TBCD: variants seen among roughly 807,000 people sequenced by gnomAD.
TBCD encodes the protein tubulin-specific chaperone D.
TBCD carries 105 observed loss-of-function variants against 169.3 expected under a neutral mutation model. The ratio of observed to expected loss-of-function variants is 0.62; its 90% confidence interval spans 0.53 to 0.73. The LOEUF is 0.73. Ranked by LOEUF, TBCD falls within the 30% of genes least tolerant of loss-of-function variation. TBCD has a pLI of 0.00. For missense variants in TBCD, 1,444 were observed against 1,600.1 expected, an observed-to-expected ratio of 0.90 and a Z score of 1.66; for synonymous variants, 700 against 643.9, an observed-to-expected ratio of 1.09 and a Z score of -1.32.
intron 28 of TBCD, chr17:82,926,767 G>T (rs1008739102): frequency 2.0e-5 from 11 of 549,918 alleles, no homozygotes; most frequent in African/African-American, 1.9e-4. Context: ...AGCTGACCCT[G>T]CCAGCCAGTG....
chr17:82,777,040 G>C (rs1246028069), intron 6 of TBCD, among the ~76,000 whole-genome samples: 1 of 152,104 alleles, frequency 6.6e-6, no homozygotes, highest in Non-Finnish European at 1.5e-5. Flanking sequence ...TATTGCCCCA[G>C]GTGGTTGTTG....
intron 15 of TBCD, chr17:82,885,071 T>G (rs1407295467): frequency 1.3e-5 from 2 of 152,268 alleles, no homozygotes; most frequent in Non-Finnish European, 1.5e-5. Context: ...GCTGGCTTAG[T>G]GGGAACCTGT....
intron 2 of TBCD, among the ~76,000 whole-genome samples, chr17:82,758,253 G>T (rs2047513293): frequency 6.6e-6 from 1 of 151,390 alleles, no homozygotes; most frequent in Non-Finnish European, 1.5e-5. Flanking sequence ...GCCGCGTGTG[G>T]TGCACGCCTG....
At chr17:82,896,985 G>C (rs1264342436) in intron 17 of TBCD, among the ~76,000 whole-genome samples, 1 of 152,024 alleles carries the variant, frequency 6.6e-6, no homozygotes, top group Non-Finnish European at 1.5e-5. Flanking sequence ...TGACTAACTC[G>C]TGTTCTAGTG....
At chr17:82,764,476 C>G (rs1414203255) in intron 3 of TBCD, among the ~76,000 whole-genome samples, 1 of 152,144 alleles carries the variant, frequency 6.6e-6, no homozygotes, top group Non-Finnish European at 1.5e-5. Flanking sequence ...GAAACCCCGT[C>G]TCTACTAAAA....
intron 12 of TBCD, among the ~76,000 whole-genome samples, chr17:82,814,051 C>T (rs1269471666): frequency 6.6e-6 from 1 of 152,186 alleles, no homozygotes; most frequent in Non-Finnish European, 1.5e-5. Context: ...GCTTCTGAAC[C>T]ACCCCGGGGA....
intron 12 of TBCD, among the ~76,000 whole-genome samples, chr17:82,811,746 A>G (rs1159321746): frequency 6.6e-6 from 1 of 152,186 alleles, no homozygotes; most frequent in Non-Finnish European, 1.5e-5. Flanking sequence ...AGGATGTCTG[A>G]AGACACCAGG....
At chr17:82,861,327 CCTCACGTCAGCCGCTGG>C (rs2056743489) in intron 13 of TBCD, among the ~76,000 whole-genome samples, 1 of 148,892 alleles carries the variant, frequency 6.7e-6, no homozygotes, top group South Asian at 2.2e-4. Context: ...CTGAATTCCA[CCTCACGTCAGCCGCTGG>C]TTCACGTCAG....
At chr17:82,839,480 C>CAT (rs930011052) in intron 13 of TBCD, among the ~76,000 whole-genome samples, 9 of 151,816 alleles carry the variant, frequency 5.9e-5, no homozygotes, top group South Asian at 2.1e-4. Context: ...ATACACCACA[C>CAT]ATATATATAA....
chr17:82,834,090 G>A (rs2053754596), intron 13 of TBCD, among the ~76,000 whole-genome samples: 1 of 152,234 alleles, frequency 6.6e-6, no homozygotes, highest in Non-Finnish European at 1.5e-5. Context: ...AATTACAGGC[G>A]CCCACCACCA....
intron 13 of TBCD, among the ~76,000 whole-genome samples, chr17:82,851,543 T>G (rs2055789855): frequency 6.6e-6 from 1 of 152,196 alleles, no homozygotes; most frequent in Non-Finnish European, 1.5e-5. Flanking sequence ...TCTCTGGCCC[T>G]GGCAGGAATC....
chr17:82,776,774 G>T (rs988823812), intron 6 of TBCD, among the ~76,000 whole-genome samples: 3 of 152,120 alleles, frequency 2.0e-5, no homozygotes, highest in Non-Finnish European at 4.4e-5. Flanking sequence ...AGTGGTGTTG[G>T]GGTCTGCACA....
intron 13 of TBCD, among the ~76,000 whole-genome samples, chr17:82,868,547 G>A (rs1219033981): frequency 6.6e-6 from 1 of 152,164 alleles, no homozygotes; most frequent in Non-Finnish European, 1.5e-5. Context: ...TGTAGTTTTA[G>A]TAAGTGTATA....
At chr17:82,797,101 A>C (rs1169664695) in intron 7 of TBCD, among the ~76,000 whole-genome samples, 1 of 152,254 alleles carries the variant, frequency 6.6e-6, no homozygotes, top group Non-Finnish European at 1.5e-5. Context: ...ATTTATGTGA[A>C]TCATCGCATT....
chr17:82,752,171 G>C lies in TBCD; in HGVS notation c.-23G>C. ...GGGATCTGCGAACACGTGAGGCGGG[G>C]GCGCGGTCCCCAGGCTGCCGAGATG... On this transcript the variant is annotated 5_prime_UTR_variant, in exon 1 of 39. Coordinates refer to ENST00000355528, the MANE Select transcript of TBCD (RefSeq NM_005993.5). 2.0e-6 allele frequency: 3 copies of C among 1,502,278 alleles called. No homozygotes were observed. Among genetic ancestry groups the C allele is most frequent in the African/African-American group, 2.9e-5 (2 of 68,588 alleles). 93.1% of individuals were successfully genotyped at this position (1,502,278 alleles called of 1,614,324 possible).
chr17:82,781,825 C>A, intron 7 of TBCD, 104 bp downstream of exon 7: 1 of 1,519,360 alleles, frequency 6.6e-7, no homozygotes, highest in Non-Finnish European at 8.9e-7. Flanking sequence ...GTAATTGGAA[C>A]CCCGTGGGAT....
At chr17:82,772,348 T>G in intron 5 of TBCD, 104 bp from the exon 6 acceptor site, 1 of 1,195,378 alleles carries the variant, frequency 8.4e-7, no homozygotes, top group Non-Finnish European at 1.2e-6. Context: ...TTTGTGAACC[T>G]GGGCCCTCGG....
At chr17:82,815,445 G>A (rs986409851) in intron 13 of TBCD, among the ~76,000 whole-genome samples, 2 of 152,226 alleles carry the variant, frequency 1.3e-5, no homozygotes, top group Non-Finnish European at 2.9e-5. Flanking sequence ...TCACGCCAGC[G>A]TGAAACCAGG....
chr17:82,915,876 T>A lies in TBCD; in HGVS notation c.2038+4087T>A, dbSNP rs2060992761. Reference sequence around the variant, plus strand: ...GCCGGGGACACGCTGTTAATGGACTTCCTGCTGTGGGGGTGAGGGCTCCGT... The same window carrying A: ...GCCGGGGACACGCTGTTAATGGACTACCTGCTGTGGGGGTGAGGGCTCCGT... On this transcript the variant is annotated intron_variant, in intron 23 of 38. Coordinates refer to ENST00000355528, the MANE Select transcript of TBCD (RefSeq NM_005993.5). This position sits in a 1 kb window ranked among gnomAD's most constrained non-coding sequence, Gnocchi z 4.3. Among the ~76,000 whole-genome samples the A allele has an allele frequency of 6.6e-6, 1 of 152,172 alleles. No homozygotes were observed. The highest frequency in any genetic ancestry group is 2.1e-4 in the South Asian group (1 of 4,818).
Sources: allele counts gnomAD v4.1 joint callset (sites outside exome capture counted in the v4.1 genomes callset), GRCh38; gene constraint gnomAD v4.1.1; non-coding constraint Gnocchi (gnomAD v3.1); transcripts MANE v1.5; gene names NCBI Gene and HGNC (gene_info 2026-07-23, HGNC 2026-07-21).